FHIT: variants seen among roughly 807,000 people sequenced by gnomAD.
FHIT encodes the protein bis(5'-adenosyl)-triphosphatase.
In FHIT, 19 loss-of-function variants were observed where a neutral mutation model predicts 17.9. The ratio of observed to expected loss-of-function variants is 1.06; its 90% CI spans 0.74 to 1.56. The LOEUF (loss-of-function observed/expected upper bound fraction) is 1.56. Ranked by LOEUF, FHIT falls within the 40% of genes most tolerant of loss-of-function variation. FHIT has a pLI of 0.00. For missense variants in FHIT, 248 were observed against 189.2 expected (o/e 1.31, Z -1.82); for synonymous variants, 81 against 69.7 (o/e 1.16, Z -0.81).
rs143049941 is a variant in FHIT at position 59,914,297 on chromosome 3, A to G, written c.348+8049T>C. 2.6e-4 allele frequency among the ~76,000 whole-genome samples: 39 copies of G among 152,250 alleles called. No individual in the cohort carries two copies. In the East Asian group the frequency reaches 7.3e-3, roughly 29 times the overall value. Reference sequence around the variant, plus strand: ...GGTCACAGGTGGCTAGCTGCTACCAAATTGAACATTAATGGTAGACGTCAC... The same window carrying G: ...GGTCACAGGTGGCTAGCTGCTACCAGATTGAACATTAATGGTAGACGTCAC... On this transcript the variant is annotated intron_variant, in intron 8 of 9. Transcript: ENST00000492590.
At chr3:60,687,532 G>A (rs1352445617) in intron 4 of FHIT, among the ~76,000 whole-genome samples, 2 of 151,978 alleles carry the variant, frequency 1.3e-5, no homozygotes, top group Non-Finnish European at 2.9e-5. Flanking sequence ...AGAACATGGA[G>A]GCTGTTAACA....
At chr3:60,125,698 ATG>A (rs1262850537) in intron 5 of FHIT, among the ~76,000 whole-genome samples, 1 of 147,682 alleles carries the variant, frequency 6.8e-6, no homozygotes, top group Non-Finnish European at 1.5e-5. Context: ...ACATATATAT[ATG>A]TACACACACA....
At chr3:60,430,646 T>G (rs751191514) in intron 5 of FHIT, among the ~76,000 whole-genome samples, 16 of 152,102 alleles carry the variant, frequency 1.1e-4, no homozygotes, top group Non-Finnish European at 2.2e-4. Context: ...TTTTTATAAC[T>G]CTCATCTGGT....
intron 4 of FHIT, among the ~76,000 whole-genome samples, chr3:60,713,577 A>G (rs2041600024): frequency 6.6e-6 from 1 of 152,098 alleles, no homozygotes; most frequent in South Asian, 2.1e-4. Context: ...TAGACACAAT[A>G]AAAAATGATA....
rs945341713 is a variant in FHIT, at chr3:60,027,756, T to G, written c.104-13604A>C. 2.0e-5 allele frequency among the ~76,000 whole-genome samples: 3 copies of G among 151,480 alleles called. No homozygotes were observed. In the South Asian group the frequency reaches 6.3e-4, roughly 32 times the overall value. ...AAAAAGAATAATTCAGATTGAAGGA[T>G]AGTATTTTGGATTTTCAGTGTTATT... is the stretch of plus-strand genomic sequence containing the variant. On this transcript the variant is annotated intron_variant, in intron 5 of 9. Transcript: ENST00000492590.
chr3:60,466,732 A>C (rs958139447), intron 5 of FHIT, among the ~76,000 whole-genome samples: 8 of 151,956 alleles, frequency 5.3e-5, no homozygotes, highest in African/African-American at 7.2e-5. Flanking sequence ...TGGTCATGAT[A>C]AATGCTTTTT....
intron 5 of FHIT, among the ~76,000 whole-genome samples, chr3:60,050,483 G>A (rs1159178506): frequency 6.6e-6 from 1 of 152,072 alleles, no homozygotes; most frequent in Admixed American, 6.6e-5. Context: ...TTAGGTACTT[G>A]CCATTTGAGA....
intron 4 of FHIT, among the ~76,000 whole-genome samples, chr3:60,608,759 C>T (rs1439798189): frequency 1.3e-5 from 2 of 151,934 alleles, no homozygotes; most frequent in Admixed American, 6.6e-5. Context: ...TTATGAACAT[C>T]GTTATTTGGT....
chr3:60,086,892 C>A (rs1185180858), intron 5 of FHIT, among the ~76,000 whole-genome samples: 1 of 152,182 alleles, frequency 6.6e-6, no homozygotes, highest in African/African-American at 2.4e-5. Flanking sequence ...TTGGGAGTCC[C>A]TTTGGTAGCT....
chr3:59,880,253 C>T (rs556228754), intron 8 of FHIT, among the ~76,000 whole-genome samples: 34 of 152,308 alleles, frequency 2.2e-4, no homozygotes, highest in African/African-American at 6.7e-4. Context: ...CTTCCCTCCC[C>T]AAGACCTTGT....
intron 4 of FHIT, among the ~76,000 whole-genome samples, chr3:60,569,040 A>C (rs933802398): frequency 6.6e-6 from 1 of 151,440 alleles, no homozygotes; most frequent in Non-Finnish European, 1.5e-5. Flanking sequence ...TGATGAAAAC[A>C]GGCCTTCCAA....
At chr3:61,229,641 G>A (rs937663554) in intron 1 of FHIT, among the ~76,000 whole-genome samples, 1 of 152,258 alleles carries the variant, frequency 6.6e-6, no homozygotes, top group Admixed American at 6.5e-5. Context: ...TCATCTCACA[G>A]GTCAGAGATT....
intron 4 of FHIT, among the ~76,000 whole-genome samples, chr3:60,712,041 C>CA (rs1372346151): frequency 1.3e-5 from 2 of 152,172 alleles, no homozygotes; most frequent in Non-Finnish European, 2.9e-5. Flanking sequence ...GGGTTACCCA[C>CA]AAAGGGAAGC....
intron 4 of FHIT, among the ~76,000 whole-genome samples, chr3:60,798,020 A>C (rs2736732): frequency 0.7 from 106,375 of 152,006 alleles, 39,202 homozygotes; most frequent in East Asian, 0.85. Context: ...ATTTCTAATT[A>C]TTTAGATCAG....
chr3:60,327,049 C>T (rs74495808), intron 5 of FHIT, among the ~76,000 whole-genome samples: 1,551 of 152,206 alleles, frequency 0.01, 27 homozygotes, highest in African/African-American at 0.036. Flanking sequence ...TCATGGAGGT[C>T]GTCCCCAGGC....
intron 3 of FHIT, among the ~76,000 whole-genome samples, chr3:60,896,408 T>A: frequency 6.6e-6 from 1 of 152,186 alleles, no homozygotes; most frequent in East Asian, 1.9e-4. Context: ...TTGATACTTC[T>A]AATCTCCATC....
At chr3:60,048,905 T>A (rs1701762626) in intron 5 of FHIT, among the ~76,000 whole-genome samples, 1 of 152,120 alleles carries the variant, frequency 6.6e-6, no homozygotes, top group Non-Finnish European at 1.5e-5. Context: ...TTGCACTGAG[T>A]CCAGTATTAA....
chr3:60,061,117 A>G (rs997914128), intron 5 of FHIT, among the ~76,000 whole-genome samples: 1 of 152,218 alleles, frequency 6.6e-6, no homozygotes, highest in African/African-American at 2.4e-5. Context: ...AAGAGTGCAA[A>G]TAATAGGATG....
At chr3:60,833,769 T>C (rs1423923634) in intron 3 of FHIT, among the ~76,000 whole-genome samples, 1 of 152,174 alleles carries the variant, frequency 6.6e-6, no homozygotes. Context: ...CTCTTGTTGC[T>C]CTTTAATAGC....
Sources: allele counts gnomAD v4.1 joint callset (sites outside exome capture counted in the v4.1 genomes callset), GRCh38; gene constraint gnomAD v4.1.1; transcripts MANE v1.5; gene names NCBI Gene and HGNC (gene_info 2026-07-23, HGNC 2026-07-21).